COL23A1: variants seen among roughly 807,000 people sequenced by gnomAD.
COL23A1 encodes collagen alpha-1(XXIII) chain.
Under a neutral mutation model 99.3 loss-of-function variants are expected in COL23A1, and 97 were observed. The observed-to-expected ratio is 0.98, with a 90% CI of 0.83 to 1.16. COL23A1 has a LOEUF of 1.16. COL23A1 is among the 50% of genes most tolerant of loss of function. The pLI is 0.00. For synonymous variants in COL23A1, 320 were observed against 308.2 expected (o/e 1.04, Z -0.40); for missense variants, 762 against 757.4 (o/e 1.01, Z -0.07).
chr5:178,302,234 A>G (rs71594789), intron 3 of COL23A1, among the ~76,000 whole-genome samples: 783 of 37,652 alleles, frequency 0.021, 211 homozygotes, highest in Middle Eastern at 0.032. Flanking sequence ...GCCGGAGCAC[A>G]GCGTCAATCC....
At chr5:178,358,039 T>A (rs1561895765) in intron 2 of COL23A1, among the ~76,000 whole-genome samples, 1 of 148,452 alleles carries the variant, frequency 6.7e-6, no homozygotes, top group South Asian at 2.2e-4. Flanking sequence ...CGTATGTGTA[T>A]GTGTATGTAT....
At chr5:178,457,119 A>T (rs1767840911) in intron 2 of COL23A1, among the ~76,000 whole-genome samples, 1 of 152,082 alleles carries the variant, frequency 6.6e-6, no homozygotes, top group Admixed American at 6.6e-5. Flanking sequence ...AAACACATCT[A>T]CTCTCTTTCA....
At chr5:178,283,390 G>C (rs1002363449) in intron 5 of COL23A1, among the ~76,000 whole-genome samples, 3 of 152,106 alleles carry the variant, frequency 2.0e-5, no homozygotes, top group African/African-American at 7.2e-5. Context: ...CTGTGCACTT[G>C]CTTTTTCCTC....
chr5:178,294,262 G>A (rs902803297), intron 3 of COL23A1, among the ~76,000 whole-genome samples: 3 of 143,140 alleles, frequency 2.1e-5, no homozygotes, highest in Admixed American at 7.0e-5. Flanking sequence ...AATCACTACC[G>A]AGCTCCCTCC....
intron 3 of COL23A1, among the ~76,000 whole-genome samples, chr5:178,298,822 A>C (rs892406812): frequency 6.6e-6 from 1 of 152,196 alleles, no homozygotes; most frequent in African/African-American, 2.4e-5. Context: ...TGGCCTCCCA[A>C]AGTGCTGGGA....
chr5:178,494,374 T>C (rs779272554), intron 2 of COL23A1, among the ~76,000 whole-genome samples: 1 of 152,034 alleles, frequency 6.6e-6, no homozygotes, highest in Admixed American at 6.6e-5. Context: ...ACGTGATGTG[T>C]TGGGAGGATG....
chr5:178,272,288 C>T (rs940592928), intron 5 of COL23A1, among the ~76,000 whole-genome samples: 5 of 152,246 alleles, frequency 3.3e-5, no homozygotes, highest in Admixed American at 1.3e-4. Flanking sequence ...CTGCTGGCTT[C>T]CCTGGCTCAA....
At chr5:178,447,220 A>G (rs1396184728) in intron 2 of COL23A1, among the ~76,000 whole-genome samples, 1 of 151,810 alleles carries the variant, frequency 6.6e-6, no homozygotes, top group East Asian at 1.9e-4. Flanking sequence ...CAGCCTCCCG[A>G]GTAGCTGGGA....
intron 2 of COL23A1, among the ~76,000 whole-genome samples, chr5:178,455,781 A>G (rs1767753595): frequency 6.6e-6 from 1 of 152,126 alleles, no homozygotes; most frequent in Admixed American, 6.6e-5. Context: ...AGCCCTCTAC[A>G]GTGGCCCTAT....
Position 178,558,715 on chromosome 5 carries a change from C to T in COL23A1, c.361+1967G>A, listed in dbSNP as rs542946212. 1.8e-4 allele frequency among the ~76,000 whole-genome samples: 27 copies of T among 152,166 alleles called. No homozygotes were observed. In the East Asian group the frequency reaches 4.3e-3, roughly 24 times the overall value. ...GGGAGCGAAAAAGAAGGACTGTTGG[C>T]ATTTTACACATTTTGCAGATCATCT... On this transcript the variant is annotated intron_variant, in intron 2 of 28. Transcript: ENST00000390654.
At chr5:178,471,232 C>G (rs376915536) in intron 2 of COL23A1, among the ~76,000 whole-genome samples, 1 of 121,354 alleles carries the variant, frequency 8.2e-6, no homozygotes, top group Middle Eastern at 3.8e-3. Flanking sequence ...AGTAATCATG[C>G]GTTTTATGTT....
intron 27 of COL23A1, among the ~76,000 whole-genome samples, chr5:178,239,849 T>C: frequency 7.7e-6 from 1 of 130,666 alleles, no homozygotes; most frequent in South Asian, 2.3e-4. Flanking sequence ...CCGAGAGCCG[T>C]GTGGCTTCCT....
chr5:178,241,326 GAAA>G (rs1366735135), intron 27 of COL23A1, among the ~76,000 whole-genome samples: 2 of 152,258 alleles, frequency 1.3e-5, no homozygotes, highest in Admixed American at 1.3e-4. Flanking sequence ...AGAGAGCACA[GAAA>G]GAGGTACAGG....
At chr5:178,282,968 T>C (rs1477300648) in intron 5 of COL23A1, among the ~76,000 whole-genome samples, 1 of 152,194 alleles carries the variant, frequency 6.6e-6, no homozygotes, top group African/African-American at 2.4e-5. Context: ...CCTCCTGGGT[T>C]CAAGTGATTC....
chr5:178,260,631 C>T (rs1240108640), intron 11 of COL23A1, among the ~76,000 whole-genome samples: 1 of 152,108 alleles, frequency 6.6e-6, no homozygotes, highest in Admixed American at 6.5e-5. Context: ...CCCATCTCTA[C>T]TAAAAATACA....
chr5:178,370,913 G>A (rs913499242), intron 2 of COL23A1, among the ~76,000 whole-genome samples: 1 of 152,200 alleles, frequency 6.6e-6, no homozygotes, highest in African/African-American at 2.4e-5. Context: ...CTGCACTCCA[G>A]CCTGTGTGAC....
At chr5:178,327,693 C>A (rs537738539) in intron 2 of COL23A1, among the ~76,000 whole-genome samples, 2 of 152,064 alleles carry the variant, frequency 1.3e-5, no homozygotes, top group South Asian at 4.1e-4. Context: ...GTGCACGTGG[C>A]CCTCTGCACC....
intron 2 of COL23A1, among the ~76,000 whole-genome samples, chr5:178,379,985 GC>G (rs754041847): frequency 9.2e-5 from 14 of 152,122 alleles, no homozygotes; most frequent in Non-Finnish European, 1.6e-4. Flanking sequence ...GGTCAGGGAG[GC>G]CCCACAGCCT....
chr5:178,472,826 T>A lies in COL23A1; in HGVS notation c.361+87856A>T, dbSNP rs142669667. ...CTCAACCAACCGCAGATTGAAAATA[T>A]TTTTAAAAAATACACAGGCAGGACA... On this transcript the variant is annotated intron_variant, in intron 2 of 28. Transcript: ENST00000390654. 9.4e-3 allele frequency among the ~76,000 whole-genome samples: 1,434 copies of A among 152,266 alleles called. 16 individuals are homozygous for A. Among genetic ancestry groups the A allele is most frequent in the Admixed American group, 0.016 (238 of 15,290 alleles).
Sources: gnomAD v4.1 joint callset for allele counts (sites outside exome capture counted in the v4.1 genomes callset) on GRCh38, gnomAD v4.1.1 for gene constraint, MANE v1.5 for transcripts, NCBI Gene and HGNC (gene_info 2026-07-23, HGNC 2026-07-21) for gene names.